KLF12: variants seen among roughly 807,000 people sequenced by gnomAD.
KLF12 encodes the protein Krueppel-like factor 12.
Under a neutral mutation model 37.8 loss-of-function variants are expected in KLF12, and 9 were observed. The ratio of observed to expected loss-of-function variants is 0.24; its 90% CI spans 0.14 to 0.42. KLF12 has a LOEUF of 0.42. Among genes scored for constraint, KLF12 ranks in the 10% least tolerant of loss-of-function variants. The pLI, the probability that KLF12 is intolerant of heterozygous loss-of-function variation, is 1.00. For synonymous variants in KLF12, 208 were observed against 202.1 expected, an observed-to-expected ratio of 1.03 and a Z score of -0.25; for missense variants, 411 against 516.0, an observed-to-expected ratio of 0.80 and a Z score of 1.97.
chr13:73,878,398 C>T (rs1375414243), intron 3 of KLF12, among the ~76,000 whole-genome samples: 1 of 152,120 alleles, frequency 6.6e-6, no homozygotes, highest in South Asian at 2.1e-4. Flanking sequence ...TAGACTTTCT[C>T]ATTTGAATGT....
the KLF12 span, among the ~76,000 whole-genome samples, chr13:74,242,556 C>A: frequency 1.3e-5 from 2 of 152,206 alleles, no homozygotes; most frequent in African/African-American, 2.4e-5. Context: ...ACGGGAGCTA[C>A]AATTCAAGAT....
At chr13:74,290,300 A>C in the KLF12 span, among the ~76,000 whole-genome samples, 1 of 152,242 alleles carries the variant, frequency 6.6e-6, no homozygotes. Context: ...ACTCAGCCAC[A>C]GATTCTTTTT....
Position 73,896,607 on chromosome 13 carries a change from C to T in KLF12, c.123+47374G>A, listed in dbSNP as rs546000441. Among the ~76,000 whole-genome samples, 5 of 152,152 alleles carry T rather than the reference C, an allele frequency of 3.3e-5. No homozygotes were observed. The South Asian group carries it at 1.0e-3, about 32-fold the overall frequency. On this transcript the variant is annotated intron_variant, in intron 3 of 7. Transcript: ENST00000377669. ...GTGAGGTGTGATAAGAGTTTACATC[C>T]CCATCTAATTCATTTCTTCTTTGAA...
chr13:74,127,050 G>C (rs529959428), intron 1 of KLF12, among the ~76,000 whole-genome samples: 2 of 152,216 alleles, frequency 1.3e-5, no homozygotes, highest in African/African-American at 4.8e-5. Context: ...TTCAAGGCTG[G>C]AGTGCATTGG....
At chr13:74,017,085 G>C (rs1442185977) in intron 1 of KLF12, among the ~76,000 whole-genome samples, 1 of 152,012 alleles carries the variant, frequency 6.6e-6, no homozygotes, top group Non-Finnish European at 1.5e-5. Context: ...TGACACTTGT[G>C]CAAGAGGCTG....
chr13:73,941,807 G>T (rs1593762323), intron 3 of KLF12, among the ~76,000 whole-genome samples: 1 of 152,058 alleles, frequency 6.6e-6, no homozygotes, highest in South Asian at 2.1e-4. Flanking sequence ...GAATGAAATT[G>T]TATCTGTCAT....
chr13:73,960,166 A>G (rs1890974760), intron 2 of KLF12, among the ~76,000 whole-genome samples: 1 of 152,224 alleles, frequency 6.6e-6, no homozygotes, highest in East Asian at 1.9e-4. Flanking sequence ...CTAGATGAAT[A>G]GATTATGAGA....
In KLF12 at chr13:74,119,730, C is replaced by A. The variant is rs189665951; in HGVS notation, c.-32+14009G>T. Among the ~76,000 whole-genome samples the A allele has an allele frequency of 2.0e-4, 30 of 151,964 alleles. No homozygotes were observed. In the East Asian group the frequency reaches 5.8e-3, roughly 29 times the overall value. On this transcript the variant is annotated intron_variant, in intron 1 of 7. Coordinates refer to ENST00000377669, the MANE Select transcript of KLF12 (RefSeq NM_007249.5). Reference sequence around the variant, plus strand: ...TGGGGCAATACCAAGTAGTCTAATGCGCTTGTCAACATAGTCCAAAGGGAA... The same window carrying A: ...TGGGGCAATACCAAGTAGTCTAATGAGCTTGTCAACATAGTCCAAAGGGAA...
intron 3 of KLF12, among the ~76,000 whole-genome samples, chr13:73,902,614 T>G (rs907745271): frequency 2.0e-5 from 3 of 152,232 alleles, no homozygotes; most frequent in Non-Finnish European, 2.9e-5. Flanking sequence ...TGGTCGCACT[T>G]ACACAAAACA....
At chr13:73,778,403 G>C (rs1163420222) in intron 5 of KLF12, among the ~76,000 whole-genome samples, 1 of 152,030 alleles carries the variant, frequency 6.6e-6, no homozygotes, top group Non-Finnish European at 1.5e-5. Flanking sequence ...CCCGGTCATA[G>C]AGGCTGGAGC....
intron 2 of KLF12, among the ~76,000 whole-genome samples, chr13:73,964,976 G>C (rs1347697135): frequency 6.6e-6 from 1 of 152,038 alleles, no homozygotes; most frequent in Non-Finnish European, 1.5e-5. Flanking sequence ...TCACACTATG[G>C]AACATGCAAA....
intron 3 of KLF12, among the ~76,000 whole-genome samples, chr13:73,871,086 T>C (rs372191597): frequency 1.2e-3 from 180 of 152,362 alleles, no homozygotes; most frequent in African/African-American, 3.5e-3. Flanking sequence ...TTCTGTATTC[T>C]GCCAGTGAGA....
intron 3 of KLF12, among the ~76,000 whole-genome samples, chr13:73,890,018 T>A (rs1887427193): frequency 6.6e-6 from 1 of 152,144 alleles, no homozygotes; most frequent in Non-Finnish European, 1.5e-5. Flanking sequence ...TATGATAATT[T>A]GATTTATGAG....
chr13:74,041,536 A>G (rs928808606), intron 1 of KLF12, among the ~76,000 whole-genome samples: 16 of 152,168 alleles, frequency 1.1e-4, no homozygotes, highest in Non-Finnish European at 2.2e-4. Flanking sequence ...TAAAATTTTG[A>G]TAAGTGGGAG....
chr13:74,026,217 C>T (rs1892973253), intron 1 of KLF12, among the ~76,000 whole-genome samples: 1 of 149,646 alleles, frequency 6.7e-6, no homozygotes, highest in Non-Finnish European at 1.5e-5. Flanking sequence ...AGCAATACTT[C>T]AAGTACCAAA....
intron 6 of KLF12, among the ~76,000 whole-genome samples, chr13:73,726,096 G>A (rs536057959): frequency 3.3e-5 from 5 of 152,004 alleles, no homozygotes; most frequent in Middle Eastern, 3.4e-3. Context: ...CAGGTGATCC[G>A]CCCGCCTCGG....
At chr13:73,711,705 G>A (rs1035934918) in intron 7 of KLF12, among the ~76,000 whole-genome samples, 9 of 152,184 alleles carry the variant, frequency 5.9e-5, no homozygotes, top group Non-Finnish European at 2.9e-5. Flanking sequence ...GGAGATGGAT[G>A]TTTTTCTGCC....
At chr13:73,971,154 C>T (rs1211857209) in intron 2 of KLF12, among the ~76,000 whole-genome samples, 4 of 152,056 alleles carry the variant, frequency 2.6e-5, no homozygotes, top group African/African-American at 7.2e-5. Context: ...AAACATGGTT[C>T]CGCCAAAAAA....
chr13:74,012,485 CT>C (rs1404044597), intron 1 of KLF12, among the ~76,000 whole-genome samples: 1 of 152,168 alleles, frequency 6.6e-6, no homozygotes, highest in African/African-American at 2.4e-5. Context: ...TATCACATCC[CT>C]GCTACATTGC....
Sources: gnomAD v4.1 joint callset for allele counts (sites outside exome capture counted in the v4.1 genomes callset) on GRCh38, gnomAD v4.1.1 for gene constraint, MANE v1.5 for transcripts, NCBI Gene and HGNC (gene_info 2026-07-23, HGNC 2026-07-21) for gene names.